Variants in ROR1 observed in about 807,000 individuals in gnomAD.
ROR1 encodes the protein inactive tyrosine-protein kinase transmembrane receptor ROR1.
In ROR1, 19 loss-of-function variants were observed where a neutral mutation model predicts 78.8. The observed-to-expected ratio is 0.24, with a 90% CI of 0.17 to 0.35. ROR1 has a LOEUF of 0.35. Ranked by LOEUF, ROR1 falls within the 10% of genes least tolerant of loss-of-function variation. The pLI is 1.00. For synonymous variants in ROR1, 386 were observed against 433.6 expected (o/e 0.89, Z 1.36); for missense variants, 917 against 1,177.8 (o/e 0.78, Z 3.24).
intron 1 of ROR1, among the ~76,000 whole-genome samples, chr1:63,983,658 A>G (rs1380007476): frequency 6.6e-6 from 1 of 152,156 alleles, no homozygotes; most frequent in Non-Finnish European, 1.5e-5. Flanking sequence ...ATTTAGGATG[A>G]CATCACATCA....
intron 4 of ROR1, among the ~76,000 whole-genome samples, chr1:64,084,727 G>A (rs1020421176): frequency 1.4e-4 from 21 of 152,108 alleles, no homozygotes; most frequent in African/African-American, 5.1e-4. Context: ...TATGACTTAT[G>A]CCTGTTAATT....
At chr1:63,956,658 G>C (rs1645984946) in intron 1 of ROR1, among the ~76,000 whole-genome samples, 1 of 152,144 alleles carries the variant, frequency 6.6e-6, no homozygotes, top group Non-Finnish European at 1.5e-5. Flanking sequence ...GTGATGCCTT[G>C]TGGAAAATGC....
chr1:64,163,459 G>A (rs1211361772), intron 8 of ROR1, among the ~76,000 whole-genome samples: 1 of 152,094 alleles, frequency 6.6e-6, no homozygotes, highest in East Asian at 1.9e-4. Flanking sequence ...ATGGGGGCGA[G>A]GAAGAGTCAA....
chr1:63,779,031 A>G, intron 1 of ROR1, among the ~76,000 whole-genome samples: 1 of 152,204 alleles, frequency 6.6e-6, no homozygotes, highest in Admixed American at 6.5e-5. Context: ...GAGACAGCCA[A>G]TTTCAATTTC....
chr1:64,050,098 CA>C (rs1438164791), intron 3 of ROR1, 120 bp downstream of exon 3: 2 of 1,135,590 alleles, frequency 1.8e-6, no homozygotes, highest in African/African-American at 3.1e-5. Context: ...TCTGTGCCCA[CA>C]ACCCTAAACC....
chr1:64,036,996 A>G (rs1388256565), intron 2 of ROR1, among the ~76,000 whole-genome samples: 1 of 152,216 alleles, frequency 6.6e-6, no homozygotes, highest in African/African-American at 2.4e-5. Context: ...AGAGATGTCC[A>G]AGAGCTTCTC....
chr1:63,881,743 C>A (rs2100375023), intron 1 of ROR1, among the ~76,000 whole-genome samples: 1 of 152,236 alleles, frequency 6.6e-6, no homozygotes, highest in African/African-American at 2.4e-5. Context: ...CCTAGTGATA[C>A]AAGGTGAATG....
chr1:63,896,432 TG>T (rs1234129099), intron 1 of ROR1, among the ~76,000 whole-genome samples: 1 of 152,164 alleles, frequency 6.6e-6, no homozygotes, highest in African/African-American at 2.4e-5. Flanking sequence ...AAGTATGTGC[TG>T]GGTCCCTCCT....
intron 1 of ROR1, among the ~76,000 whole-genome samples, chr1:63,977,652 C>T (rs1646172568): frequency 6.6e-6 from 1 of 152,208 alleles, no homozygotes; most frequent in African/African-American, 2.4e-5. Context: ...GCATCTTCCT[C>T]TGTGGTGCCT....
intron 4 of ROR1, among the ~76,000 whole-genome samples, chr1:64,133,653 G>A (rs750873845): frequency 6.6e-6 from 1 of 152,214 alleles, no homozygotes; most frequent in Non-Finnish European, 1.5e-5. Flanking sequence ...GTGAGGCAGC[G>A]GCGCACGCTG....
At chr1:64,044,021 A>G (rs1212863356) in intron 2 of ROR1, among the ~76,000 whole-genome samples, 1 of 152,210 alleles carries the variant, frequency 6.6e-6, no homozygotes, top group Non-Finnish European at 1.5e-5. Context: ...TCATTTTCCT[A>G]CATTGTAAAG....
At position 63,990,670 on chromosome 1, in the gene ROR1, C is replaced by G. The variant is rs373360720; in HGVS notation, c.92-18635C>G. ...AAAGATAAAATATTTGAATGGTGCTCTGTCCCAGCTCCTCCACTGTGTGTT... is the reference window on the plus strand; with the variant it reads ...AAAGATAAAATATTTGAATGGTGCTGTGTCCCAGCTCCTCCACTGTGTGTT... On this transcript the variant is annotated intron_variant, in intron 1 of 8. Transcript: ENST00000371079. Among the ~76,000 whole-genome samples the G allele has an allele frequency of 3.3e-5, 5 of 152,294 alleles. No homozygotes were observed. In the East Asian group the frequency reaches 9.7e-4, roughly 29 times the overall value.
chr1:64,008,936 C>CT (rs1384518377), intron 1 of ROR1, among the ~76,000 whole-genome samples: 1 of 152,048 alleles, frequency 6.6e-6, no homozygotes, highest in Non-Finnish European at 1.5e-5. Context: ...CCCAGCGTGA[C>CT]TTTTTAATGA....
intron 1 of ROR1, among the ~76,000 whole-genome samples, chr1:63,870,396 G>C (rs11208307): frequency 6.6e-6 from 1 of 151,924 alleles, no homozygotes; most frequent in Non-Finnish European, 1.5e-5. Flanking sequence ...GAGTTCCCAG[G>C]CTTCATTGTC....
chr1:64,167,841 A>C (rs1035038735), intron 8 of ROR1, among the ~76,000 whole-genome samples: 3 of 152,266 alleles, frequency 2.0e-5, no homozygotes, highest in Non-Finnish European at 2.9e-5. Flanking sequence ...TAACTCAAAA[A>C]CCAGAGAGCT....
At chr1:63,861,185 A>G (rs745876580) in intron 1 of ROR1, among the ~76,000 whole-genome samples, 3 of 152,196 alleles carry the variant, frequency 2.0e-5, no homozygotes, top group Non-Finnish European at 2.9e-5. Context: ...AGAAACTTCG[A>G]TCCTTCTCCA....
intron 1 of ROR1, among the ~76,000 whole-genome samples, chr1:63,971,102 CTT>C (rs1646116622): frequency 6.6e-6 from 1 of 152,174 alleles, no homozygotes; most frequent in African/African-American, 2.4e-5. Flanking sequence ...TGATCACATC[CTT>C]ATTTCCTAGA....
At chr1:63,876,446 T>G (rs1382833283) in intron 1 of ROR1, among the ~76,000 whole-genome samples, 1 of 151,990 alleles carries the variant, frequency 6.6e-6, no homozygotes, top group Non-Finnish European at 1.5e-5. Flanking sequence ...CCCAACCACC[T>G]CCATCCAACT....
intron 1 of ROR1, among the ~76,000 whole-genome samples, chr1:63,948,710 A>T (rs1645910350): frequency 6.6e-6 from 1 of 152,190 alleles, no homozygotes; most frequent in Admixed American, 6.5e-5. Context: ...TTAGGTCATG[A>T]GGACAAAGCC....
Sources: allele counts gnomAD v4.1 joint callset (sites outside exome capture counted in the v4.1 genomes callset), GRCh38; gene constraint gnomAD v4.1.1; transcripts MANE v1.5; gene names NCBI Gene and HGNC (gene_info 2026-07-23, HGNC 2026-07-21).